The following TBXAS1 variants were observed in gnomAD, a reference collection of about 807,000 sequenced individuals.
TBXAS1 encodes thromboxane-A synthase.
Under a neutral mutation model 60.7 loss-of-function variants are expected in TBXAS1, and 48 were observed. The observed-to-expected ratio is 0.79, with a 90% CI of 0.63 to 1.01. The LOEUF (loss-of-function observed/expected upper bound fraction) is 1.01. Ranked by LOEUF, TBXAS1 falls within the 50% of genes least tolerant of loss-of-function variation. The pLI is 0.00. For synonymous variants in TBXAS1, 287 were observed against 269.7 expected, an observed-to-expected ratio of 1.06 and a Z score of -0.63; for missense variants, 685 against 686.3, an observed-to-expected ratio of 1.00 and a Z score of 0.02.
At chr7:139,870,656 A>G (rs1177706985) in intron 1 of TBXAS1, among the ~76,000 whole-genome samples, 3 of 152,200 alleles carry the variant, frequency 2.0e-5, no homozygotes, top group African/African-American at 4.8e-5. Flanking sequence ...ACACTTGAAC[A>G]TGGACCTAAA....
intron 6 of TBXAS1, among the ~76,000 whole-genome samples, chr7:139,954,372 C>T (rs2117325703): frequency 6.6e-6 from 1 of 152,314 alleles, no homozygotes; most frequent in East Asian, 1.9e-4. Flanking sequence ...GTAAATAACC[C>T]TCAAGACCCT....
chr7:139,950,787 C>T (rs1398764501), intron 5 of TBXAS1, among the ~76,000 whole-genome samples: 6 of 73,332 alleles, frequency 8.2e-5, no homozygotes, highest in Admixed American at 2.5e-4. Flanking sequence ...CCCCCTCGCC[C>T]TCCATCTACG....
At chr7:139,846,067 T>C (rs891775647) in intron 1 of TBXAS1, among the ~76,000 whole-genome samples, 2 of 152,084 alleles carry the variant, frequency 1.3e-5, no homozygotes, top group Non-Finnish European at 2.9e-5. Flanking sequence ...ATAAAATATT[T>C]TTTTCTTTAG....
chr7:139,874,687 C>T (rs1272647004), intron 2 of TBXAS1, among the ~76,000 whole-genome samples: 3 of 151,830 alleles, frequency 2.0e-5, no homozygotes, highest in Non-Finnish European at 4.4e-5. Flanking sequence ...CCATTTGCCA[C>T]CCCCCACACC....
In TBXAS1 at chr7:139,851,894, CCAGTGGAATACAG is replaced by C. The variant is rs1585631927; in HGVS notation, c.90-20337_90-20325del. On this transcript the variant is annotated intron_variant, in intron 1 of 12. Transcript: ENST00000448866. ...ATTGTACCAGGGTCAGTTAGCATGACCAGTGGAATACAGCAGAGGTGATGGTGTTATCACTTCC... is the reference window on the plus strand; with the variant it reads ...ATTGTACCAGGGTCAGTTAGCATGACCAGAGGTGATGGTGTTATCACTTCC... 2.6e-5 allele frequency among the ~76,000 whole-genome samples: 4 copies of C among 152,140 alleles called. No individual in the cohort carries two copies. The East Asian group carries it at 7.7e-4, about 29-fold the overall frequency.
At chr7:139,805,668 T>C (rs1166291674) in intron 4 of TBXAS1, among the ~76,000 whole-genome samples, 1 of 65,100 alleles carries the variant, frequency 1.5e-5, no homozygotes, top group African/African-American at 7.2e-5. Flanking sequence ...TTCTCTTTCT[T>C]TCTTTCTTTC....
At chr7:139,967,024 C>G (rs2117414638) in intron 9 of TBXAS1, among the ~76,000 whole-genome samples, 1 of 152,352 alleles carries the variant, frequency 6.6e-6, no homozygotes, top group Non-Finnish European at 1.5e-5. Context: ...GCTCCCAGGT[C>G]TGAAGTCCTC....
intron 4 of TBXAS1, among the ~76,000 whole-genome samples, chr7:139,787,877 G>A (rs964119415): frequency 6.6e-6 from 1 of 152,108 alleles, no homozygotes; most frequent in Non-Finnish European, 1.5e-5. Context: ...AAACACATAA[G>A]ACTACAAAAG....
chr7:139,818,588 T>C (rs1798213256), intron 4 of TBXAS1, among the ~76,000 whole-genome samples: 1 of 152,176 alleles, frequency 6.6e-6, no homozygotes, highest in Admixed American at 6.5e-5. Flanking sequence ...CATATTCCCT[T>C]GGAGGCAGCT....
At chr7:139,998,406 G>C (rs891270831) in intron 9 of TBXAS1, among the ~76,000 whole-genome samples, 22 of 152,132 alleles carry the variant, frequency 1.4e-4, no homozygotes, top group Non-Finnish European at 2.9e-4. Context: ...GGGAGGGAAG[G>C]CTGGAGGGAG....
chr7:139,960,829 G>A (rs1012450864), intron 8 of TBXAS1, among the ~76,000 whole-genome samples: 1 of 152,066 alleles, frequency 6.6e-6, no homozygotes, highest in South Asian at 2.1e-4. Flanking sequence ...AGAAAATGCT[G>A]CAGCTAGCAG....
chr7:139,872,349 G>C (rs1199896527), intron 2 of TBXAS1, 21 bp downstream of exon 2: 1 of 1,608,780 alleles, frequency 6.2e-7, no homozygotes, highest in African/African-American at 1.3e-5. Context: ...TCTTCCATTG[G>C]CTTCCATCAT....
chr7:139,906,134 C>T, intron 3 of TBXAS1: 1 of 380,510 alleles, frequency 2.6e-6, no homozygotes, highest in Non-Finnish European at 5.1e-6. Flanking sequence ...TGGATCACTG[C>T]AACCTCCACC....
chr7:139,960,131 T>C (rs746640514), intron 8 of TBXAS1, among the ~76,000 whole-genome samples: 3 of 152,212 alleles, frequency 2.0e-5, no homozygotes, highest in Non-Finnish European at 4.4e-5. Flanking sequence ...AGCTGAGGCC[T>C]TGCTTCCTTA....
chr7:139,912,806 C>T (rs951166998), intron 4 of TBXAS1, among the ~76,000 whole-genome samples: 9 of 152,168 alleles, frequency 5.9e-5, no homozygotes, highest in Non-Finnish European at 1.3e-4. Context: ...TCCTTGTCAT[C>T]GCAAGAGCTT....
intron 5 of TBXAS1, among the ~76,000 whole-genome samples, chr7:139,945,774 G>T (rs111649012): frequency 3.3e-5 from 5 of 152,312 alleles, no homozygotes; most frequent in African/African-American, 1.2e-4. Context: ...TGGCTTAGCT[G>T]AGTGCAAAGG....
At chr7:139,788,099 A>C (rs568520671) in intron 4 of TBXAS1, among the ~76,000 whole-genome samples, 40 of 152,366 alleles carry the variant, frequency 2.6e-4, no homozygotes, top group Admixed American at 7.2e-4. Flanking sequence ...CTGTGATTTC[A>C]ATTGGTAACA....
chr7:140,016,276 C>G (rs953153823), intron 11 of TBXAS1: 1 of 311,440 alleles, frequency 3.2e-6, no homozygotes, highest in Non-Finnish European at 6.0e-6. Context: ...TGCAGTGAGC[C>G]GAGATGGTGC....
At chr7:140,010,027 CCCA>C (rs1369228075) in intron 10 of TBXAS1, among the ~76,000 whole-genome samples, 3 of 133,272 alleles carry the variant, frequency 2.3e-5, no homozygotes, top group Admixed American at 7.5e-5. Context: ...CCACACCCGC[CCCA>C]CACCTCCACA....
Sources: allele counts gnomAD v4.1 joint callset (sites outside exome capture counted in the v4.1 genomes callset), GRCh38; gene constraint gnomAD v4.1.1; transcripts MANE v1.5; gene names NCBI Gene and HGNC (gene_info 2026-07-23, HGNC 2026-07-21).